Variants in AQR observed in about 807,000 individuals in gnomAD.
AQR encodes the protein RNA helicase aquarius.
In AQR, 61 loss-of-function variants were observed where a neutral mutation model predicts 180.5. The ratio of observed to expected loss-of-function variants is 0.34; its 90% CI spans 0.28 to 0.42. The LOEUF is 0.42. Among genes scored for constraint, AQR ranks in the 10% least tolerant of loss-of-function variants. The probability of loss-of-function intolerance (pLI) is 1.00; values close to 1 mark genes in which losing one functional copy is unlikely to be tolerated. For synonymous variants in AQR, 551 were observed against 588.8 expected, an observed-to-expected ratio of 0.94 and a Z score of 0.93; for missense variants, 1,281 against 1,798.3, an observed-to-expected ratio of 0.71 and a Z score of 5.20.
chr15:34,852,780 T>C lies in AQR; in HGVS notation c.*4012A>G, dbSNP rs1228343425. ...TTCTCAGAGTATTTTTCAAGAGTAG[T>C]ATTTTCTGTAATATATGATGAAAAA... is the stretch of plus-strand genomic sequence containing the variant. On this transcript the variant is annotated 3_prime_UTR_variant, in exon 35 of 35. Coordinates refer to ENST00000156471, the MANE Select transcript of AQR (RefSeq NM_014691.3). The C allele has an allele frequency of 6.6e-6, 1 of 152,202 alleles. No individual in the cohort carries two copies. Among genetic ancestry groups the C allele is most frequent in the Non-Finnish European group, 1.5e-5 (1 of 68,028 alleles). 9.4% of individuals were successfully genotyped at this position (152,202 alleles called of 1,614,324 possible).
At chr15:34,925,999 C>G (rs1230954571) in intron 13 of AQR, among the ~76,000 whole-genome samples, 2 of 151,870 alleles carry the variant, frequency 1.3e-5, no homozygotes. Flanking sequence ...AACCCCGTCT[C>G]TACTAAAAAT....
Position 34,948,307 on chromosome 15 carries a change from C to T in AQR, c.287G>A (p.Cys96Tyr). The change falls in exon 5 of 35, where the codon TGT becomes TAT. Residue 96 changes from cysteine to tyrosine, a missense_variant. Physicochemically the swap from Cys to Tyr is radical, Grantham distance 194. Coordinates refer to ENST00000156471, the MANE Select transcript of AQR (RefSeq NM_014691.3). ...SSKAYLMSIC[C>Y]MVNEKFRENV... ...TTCTCTAAACTTCTCATTCACCATACAGCAGATTGACATTAAATAGGCCTT... is the reference window on the plus strand; with the variant it reads ...TTCTCTAAACTTCTCATTCACCATATAGCAGATTGACATTAAATAGGCCTT... 6.2e-7 allele frequency: 1 copy of T among 1,613,698 alleles called. No individual in the cohort carries two copies. Among genetic ancestry groups the T allele is most frequent in the Non-Finnish European group, 8.5e-7 (1 of 1,179,972 alleles).
chr15:34,922,059 G>C (rs895330213), intron 13 of AQR, among the ~76,000 whole-genome samples: 13 of 152,176 alleles, frequency 8.5e-5, no homozygotes, highest in African/African-American at 3.1e-4. Context: ...TGATCTGCCT[G>C]CCTTGGCCTC....
chr15:34,954,170 G>A (rs1894273998), intron 3 of AQR, among the ~76,000 whole-genome samples: 1 of 152,132 alleles, frequency 6.6e-6, no homozygotes, highest in Admixed American at 6.5e-5. Context: ...ACCCACCTCA[G>A]CCTCCAAAAA....
chr15:34,943,061 C>T (rs373190422), intron 6 of AQR: 53 of 1,608,608 alleles, frequency 3.3e-5, no homozygotes, highest in Admixed American at 8.3e-5. Flanking sequence ...CTTTCTGTGC[C>T]GATAACGCTC....
At chr15:34,871,837 G>C (rs1892822991) in intron 30 of AQR, among the ~76,000 whole-genome samples, 1 of 151,864 alleles carries the variant, frequency 6.6e-6, no homozygotes, top group African/African-American at 2.4e-5. Flanking sequence ...TAAAACTAAG[G>C]CTTATTCAAC....
rs1034873067 is a variant in AQR at position 34,960,348 on chromosome 15, C to A, written c.173+426G>T. Among the ~76,000 whole-genome samples, 6 of 152,162 alleles carry A rather than the reference C, an allele frequency of 3.9e-5. No individual in the cohort carries two copies. The East Asian group carries it at 5.8e-4, about 15-fold the overall frequency. On this transcript the variant is annotated intron_variant, in intron 3 of 34. Transcript: ENST00000156471. ...ATGATTTATTGAAACTCACCCCTTA[C>A]AGCATATTGCTCAAAAATAATTTTT...
At chr15:34,904,233 T>C in intron 19 of AQR, 103 bp downstream of exon 19, 1 of 779,016 alleles carries the variant, frequency 1.3e-6, no homozygotes, top group South Asian at 3.5e-5. Flanking sequence ...AGTCATTATT[T>C]TTTTCTTAAC....
Position 34,906,731 on chromosome 15 carries a change from A to G in AQR, c.1664-19T>C. 17 of 1,592,446 alleles carry G rather than the reference A, an allele frequency of 1.1e-5. No individual in the cohort carries two copies. The highest frequency in any genetic ancestry group is 1.5e-5 in the Non-Finnish European group (17 of 1,169,348). The stretch of plus-strand genomic sequence containing the variant: ...CGAAGACCTGGTAAGATATAAAGAC[A>G]TTTTCATTTATTAGAATTTCATTGT... On this transcript the variant is annotated intron_variant, in intron 17 of 34. Transcript: ENST00000156471.
At chr15:34,874,231 G>T (rs777134734) in intron 29 of AQR, 9 of 402,696 alleles carry the variant, frequency 2.2e-5, no homozygotes, top group African/African-American at 1.0e-4. Context: ...CGCTCTCTGA[G>T]GTCAATGCTA....
intron 24 of AQR, among the ~76,000 whole-genome samples, chr15:34,889,792 TC>T (rs2140470865): frequency 6.6e-6 from 1 of 152,278 alleles, no homozygotes; most frequent in East Asian, 1.9e-4. Context: ...TGCGTCAGCC[TC>T]CCGTAATTTC....
At chr15:34,948,145 T>G in intron 5 of AQR, 119 bp downstream of exon 5, 2 of 1,128,938 alleles carry the variant, frequency 1.8e-6, no homozygotes, top group Non-Finnish European at 2.4e-6. Flanking sequence ...TTCTCAATAT[T>G]TGCTTTATTA....
At chr15:34,861,359 T>C (rs1892669256) in intron 33 of AQR, among the ~76,000 whole-genome samples, 1 of 152,318 alleles carries the variant, frequency 6.6e-6, no homozygotes, top group East Asian at 1.9e-4. Flanking sequence ...GCTTATTTTC[T>C]GGAGTCTTGC....
Position 34,941,962 on chromosome 15 carries a change from G to A in AQR, c.540+50C>T, listed in dbSNP as rs377148679. On this transcript the variant is annotated intron_variant, in intron 7 of 34. Transcript: ENST00000156471. ...TTAAGGCTATAGACTAAAACCACAC[G>A]TTCTACTTATAACACATACATTCAT... 8.1e-5 allele frequency: 115 copies of A among 1,414,320 alleles called. No homozygotes were observed. The East Asian group carries it at 9.1e-4, about 11-fold the overall frequency. 87.6% of individuals were successfully genotyped at this position (1,414,320 alleles called of 1,614,324 possible).
intron 22 of AQR, among the ~76,000 whole-genome samples, chr15:34,896,171 A>G (rs555898995): frequency 6.6e-6 from 1 of 152,322 alleles, no homozygotes; most frequent in East Asian, 1.9e-4. Context: ...TTTGCAGGCT[A>G]AGCAATCTCT....
chr15:34,864,170 G>C (rs1462105655), intron 32 of AQR, among the ~76,000 whole-genome samples: 1 of 148,424 alleles, frequency 6.7e-6, no homozygotes, highest in Non-Finnish European at 1.5e-5. Flanking sequence ...CATTTTTTAT[G>C]GTTTTTTTTA....
chr15:34,930,129 C>A (rs980605520), intron 12 of AQR, 129 bp downstream of exon 12: 2 of 509,974 alleles, frequency 3.9e-6, no homozygotes, highest in South Asian at 4.3e-5. Flanking sequence ...GAAAAAGAAA[C>A]GTTAAAAATG....
At chr15:34,882,406 C>A (rs2140467150) in intron 27 of AQR, 96 bp downstream of exon 27, 1 of 1,237,446 alleles carries the variant, frequency 8.1e-7, no homozygotes, top group Non-Finnish European at 1.0e-6. Flanking sequence ...ATAAAAGAAA[C>A]ATTTTAAGGT....
chr15:34,891,535 G>C (rs888701374), intron 23 of AQR, among the ~76,000 whole-genome samples: 2 of 152,160 alleles, frequency 1.3e-5, no homozygotes, highest in African/African-American at 4.8e-5. Context: ...CAGGTGTTTA[G>C]CAAGCAGTGA....
Sources: gnomAD v4.1 joint callset for allele counts (sites outside exome capture counted in the v4.1 genomes callset) on GRCh38, gnomAD v4.1.1 for gene constraint, MANE v1.5 for transcripts, NCBI Gene and HGNC (gene_info 2026-07-23, HGNC 2026-07-21) for gene names.